KCND2: variants seen among roughly 807,000 people sequenced by gnomAD.
KCND2 encodes A-type voltage-gated potassium channel KCND2.
Under a neutral mutation model 54.4 loss-of-function variants are expected in KCND2, and 16 were observed. The observed-to-expected ratio is 0.29, with a 90% confidence interval of 0.20 to 0.45. The LOEUF is 0.45. Ranked by LOEUF, KCND2 falls within the 20% of genes least tolerant of loss-of-function variation. KCND2 has a pLI of 1.00. For synonymous variants in KCND2, 317 were observed against 310.7 expected, an observed-to-expected ratio of 1.02 and a Z score of -0.21; for missense variants, 486 against 824.2, an observed-to-expected ratio of 0.59 and a Z score of 5.02.
chr7:120,747,132 G>C (rs186503765), intron 5 of KCND2, among the ~76,000 whole-genome samples: 11 of 152,112 alleles, frequency 7.2e-5, no homozygotes, highest in Admixed American at 7.2e-4. Context: ...TCCCCACATA[G>C]AGTATACAAT....
At chr7:120,449,741 C>A (rs1465618914) in intron 1 of KCND2, among the ~76,000 whole-genome samples, 1 of 152,188 alleles carries the variant, frequency 6.6e-6, no homozygotes, top group East Asian at 1.9e-4. Context: ...GCCTGCCACT[C>A]ACTCTATAAT....
intron 1 of KCND2, among the ~76,000 whole-genome samples, chr7:120,682,865 C>G (rs937133512): frequency 6.6e-6 from 1 of 152,124 alleles, no homozygotes; most frequent in Admixed American, 6.6e-5. Flanking sequence ...CATTTCTGCT[C>G]TGCCATTATT....
chr7:120,602,437 G>A (rs1792826800), intron 1 of KCND2, among the ~76,000 whole-genome samples: 1 of 152,114 alleles, frequency 6.6e-6, no homozygotes, highest in African/African-American at 2.4e-5. Flanking sequence ...CTGGACAGAG[G>A]TATATGATGT....
chr7:120,277,387 A>G (rs966772369), intron 1 of KCND2, among the ~76,000 whole-genome samples: 1 of 152,086 alleles, frequency 6.6e-6, no homozygotes, highest in African/African-American at 2.4e-5. Flanking sequence ...ATTTTGTAGC[A>G]GGAGATCCTT....
At chr7:120,435,732 G>GATAA (rs1554439543) in intron 1 of KCND2, among the ~76,000 whole-genome samples, 3 of 148,594 alleles carry the variant, frequency 2.0e-5, no homozygotes, top group Non-Finnish European at 4.5e-5. Flanking sequence ...CTAACCAGTG[G>GATAA]ATATATATAT....
At chr7:120,325,579 C>T (rs546400959) in intron 1 of KCND2, among the ~76,000 whole-genome samples, 4,165 of 151,120 alleles carry the variant, frequency 0.028, 79 homozygotes, top group Non-Finnish European at 0.041. Context: ...TTGTCTTTGG[C>T]TCTGTTTATA....
At chr7:120,591,303 A>G (rs989026493) in intron 1 of KCND2, among the ~76,000 whole-genome samples, 4 of 152,232 alleles carry the variant, frequency 2.6e-5, no homozygotes, top group Non-Finnish European at 5.9e-5. Context: ...AGTGTTCACT[A>G]AGTATCATCG....
intron 1 of KCND2, among the ~76,000 whole-genome samples, chr7:120,306,511 T>C (rs913784070): frequency 1.3e-5 from 2 of 152,060 alleles, no homozygotes; most frequent in Non-Finnish European, 2.9e-5. Context: ...AAAATGATTC[T>C]GGTCACACTG....
chr7:120,461,737 T>C (rs1453395221), intron 1 of KCND2, among the ~76,000 whole-genome samples: 1 of 152,128 alleles, frequency 6.6e-6, no homozygotes, highest in Non-Finnish European at 1.5e-5. Context: ...TAGAATGCTA[T>C]TTTCATTTTT....
At chr7:120,424,798 G>A (rs966236854) in intron 1 of KCND2, among the ~76,000 whole-genome samples, 6 of 152,158 alleles carry the variant, frequency 3.9e-5, no homozygotes, top group African/African-American at 1.4e-4. Flanking sequence ...CAGCTTACTT[G>A]ACAATAAATG....
intron 1 of KCND2, among the ~76,000 whole-genome samples, chr7:120,449,593 T>C (rs1802072994): frequency 6.6e-6 from 1 of 152,214 alleles, no homozygotes; most frequent in Non-Finnish European, 1.5e-5. Flanking sequence ...GCTAAGAGTT[T>C]AATTTCATTG....
At chr7:120,330,581 CAAAAAAAAAAAAA>C (rs3067024) in intron 1 of KCND2, among the ~76,000 whole-genome samples, 2 of 48,382 alleles carry the variant, frequency 4.1e-5, no homozygotes, top group African/African-American at 1.0e-4. Context: ...AACTCTGTCT[CAAAAAAAAAAAAA>C]AAAAAAAAAA....
chr7:120,316,392 G>T (rs1434968151), intron 1 of KCND2, among the ~76,000 whole-genome samples: 2 of 152,052 alleles, frequency 1.3e-5, no homozygotes, highest in African/African-American at 2.4e-5. Context: ...ATTTTAACAA[G>T]GTCTTTCCAA....
chr7:120,708,082 CAGAA>C (rs574065020), intron 1 of KCND2, among the ~76,000 whole-genome samples: 55 of 151,898 alleles, frequency 3.6e-4, no homozygotes, highest in African/African-American at 1.0e-3. Flanking sequence ...ATATGATTGT[CAGAA>C]AGGGAAAAAC....
At chr7:120,300,111 T>C (rs1202599001) in intron 1 of KCND2, among the ~76,000 whole-genome samples, 3 of 152,248 alleles carry the variant, frequency 2.0e-5, no homozygotes, top group South Asian at 4.1e-4. Context: ...GTTGGTGACA[T>C]TGAGTGGGAC....
intron 1 of KCND2, among the ~76,000 whole-genome samples, chr7:120,700,307 A>T (rs571409273): frequency 6.6e-6 from 1 of 152,320 alleles, no homozygotes; most frequent in South Asian, 2.1e-4. Flanking sequence ...GAAAATTCAT[A>T]TGGCTAATTC....
chr7:120,607,533 A>G (rs907973157), intron 1 of KCND2, among the ~76,000 whole-genome samples: 5 of 152,126 alleles, frequency 3.3e-5, no homozygotes, highest in East Asian at 1.9e-4. Flanking sequence ...TTCATCGTAC[A>G]TACACCATCA....
chr7:120,389,259 T>C (rs935732130), intron 1 of KCND2, among the ~76,000 whole-genome samples: 40 of 151,954 alleles, frequency 2.6e-4, no homozygotes, highest in African/African-American at 9.7e-4. Flanking sequence ...TTATTATATA[T>C]ATGCCTAAGA....
chr7:120,745,305 A>G (rs1039659279), intron 4 of KCND2, among the ~76,000 whole-genome samples: 1 of 152,102 alleles, frequency 6.6e-6, no homozygotes, highest in African/African-American at 2.4e-5. Context: ...AAATGTTTTC[A>G]CTCCCATGTG....
Sources: allele counts gnomAD v4.1 joint callset (sites outside exome capture counted in the v4.1 genomes callset), GRCh38; gene constraint gnomAD v4.1.1; transcripts MANE v1.5; gene names NCBI Gene and HGNC (gene_info 2026-07-23, HGNC 2026-07-21).